CLK3: variants seen among roughly 807,000 people sequenced by gnomAD.
The protein encoded by CLK3 is dual specificity protein kinase CLK3.
CLK3 carries 24 observed loss-of-function variants against 65.2 expected under a neutral mutation model. That is an observed-to-expected ratio of 0.37 (90% CI 0.27 to 0.52). The LOEUF (loss-of-function observed/expected upper bound fraction) is 0.52. Among genes scored for constraint, CLK3 ranks in the 20% least tolerant of loss-of-function variants. The pLI is 0.92. For synonymous variants in CLK3, 252 were observed against 240.8 expected (o/e 1.05, Z -0.43); for missense variants, 506 against 660.0 (o/e 0.77, Z 2.56).
intron 1 of CLK3, among the ~76,000 whole-genome samples, chr15:74,609,871 GC>G (rs2061965897): frequency 6.6e-6 from 1 of 152,188 alleles, no homozygotes; most frequent in Admixed American, 6.5e-5. Context: ...CAGGGTCCTG[GC>G]CCCAACTCAA....
intron 7 of CLK3, among the ~76,000 whole-genome samples, chr15:74,626,331 T>C (rs1248206433): frequency 6.6e-6 from 1 of 152,206 alleles, no homozygotes; most frequent in African/African-American, 2.4e-5. Context: ...CCTGCCCACA[T>C]GGAGACCCTC....
At chr15:74,617,441 T>C (rs909087820) in intron 1 of CLK3, among the ~76,000 whole-genome samples, 6 of 152,252 alleles carry the variant, frequency 3.9e-5, no homozygotes, top group Non-Finnish European at 8.8e-5. Context: ...GAGAGAGATA[T>C]TTAATCCTCA....
chr15:74,615,061 G>C (rs2062040323), upstream of CLK3: 1 of 210,338 alleles, frequency 4.8e-6, no homozygotes. Flanking sequence ...TAGGTGTCAG[G>C]GATTTTGGTG....
intron 6 of CLK3, 42 bp downstream of exon 6, chr15:74,625,060 C>A: frequency 1.4e-6 from 2 of 1,441,692 alleles, no homozygotes; most frequent in Non-Finnish European, 2.0e-6. Context: ...TTCAGTGGGG[C>A]TGCTGGACCC....
At position 74,624,542 on chromosome 15, in the gene CLK3, G is replaced by C. The variant is rs2062129085; in HGVS notation, c.534-360G>C. The C allele has an allele frequency of 4.7e-6, 1 of 211,688 alleles. No individual in the cohort carries two copies. Among genetic ancestry groups the C allele is most frequent in the African/African-American group, 2.4e-5 (1 of 42,548 alleles). The allele number at this position is 211,688 out of a possible 1,614,324, so 13.1% of individuals were successfully genotyped here. ...GGTTCTCGGTGGGACAGCCTGGCCA[G>C]GGTTGGGGCTGCCTGGCCTATAGGT... On this transcript the variant is annotated intron_variant, in intron 5 of 12. Transcript: ENST00000395066. This position sits in a 1 kb window ranked among gnomAD's most constrained non-coding sequence, Gnocchi z 4.2.
In CLK3 at chr15:74,624,910, C is replaced by A; in HGVS notation, c.542C>A (p.Ser181Tyr). Residue 181 changes from serine to tyrosine, a missense_variant, in exon 6 of 13, where the codon TCT becomes TAT. Coordinates refer to ENST00000395066, the MANE Select transcript of CLK3 (RefSeq NM_001130028.2). The surrounding 1 kb of genome is among the most constrained non-coding windows in gnomAD (Gnocchi z 4.2). ...TCCTTCCCGGGTACCAGAGGGAAGT[C>A]TCAGGTTGCCCTGAAGATCATCCGC... ...VECLDHARGK[S>Y]QVALKIIRNV... is the part of the protein sequence containing the mutation. 6.2e-7 allele frequency: 1 copy of A among 1,604,530 alleles called. No homozygotes were observed. Among genetic ancestry groups the A allele is most frequent in the Non-Finnish European group, 8.5e-7 (1 of 1,175,434 alleles).
chr15:74,609,415 C>T (rs1330970434), intron 1 of CLK3, among the ~76,000 whole-genome samples: 1 of 152,238 alleles, frequency 6.6e-6, no homozygotes, highest in African/African-American at 2.4e-5. Flanking sequence ...CTGCTAGAAT[C>T]TCTCTCTCCT....
chr15:74,625,170 A>G, intron 6 of CLK3, 152 bp downstream of exon 6: 2 of 632,992 alleles, frequency 3.2e-6, no homozygotes, highest in Non-Finnish European at 5.7e-6. Flanking sequence ...AAGCCTTTAG[A>G]CTGCAGTCCA....
upstream of CLK3, chr15:74,615,305 G>A: frequency 2.9e-6 from 2 of 685,158 alleles, no homozygotes; most frequent in Non-Finnish European, 4.1e-6. Flanking sequence ...GGCGAGCTGG[G>A]AGCGCCACCA....
chr15:74,622,377 G>A lies in CLK3; in HGVS notation c.467-117G>A. ...ACACTAGCAACTTCCATTTTTAAGA[G>A]TGTAGCAGTGAGAGAGAAACCTTTT... On this transcript the variant is annotated intron_variant, in intron 4 of 12. Coordinates refer to ENST00000395066, the MANE Select transcript of CLK3 (RefSeq NM_001130028.2). The surrounding 1 kb of genome is among the most constrained non-coding windows in gnomAD (Gnocchi z 4.6). The A allele has an allele frequency of 9.5e-7, 1 of 1,051,840 alleles. No individual in the cohort carries two copies. Among genetic ancestry groups the A allele is most frequent in the East Asian group, 2.4e-5 (1 of 41,892 alleles). The allele number at this position is 1,051,840 out of a possible 1,614,324, so 65.2% of individuals were successfully genotyped here.
chr15:74,619,671 T>G (rs6495118), intron 2 of CLK3, among the ~76,000 whole-genome samples: 39,988 of 151,984 alleles, frequency 0.26, 7,205 homozygotes, highest in East Asian at 0.55. Context: ...CCCTGGAAAG[T>G]TTGCTCCCTG....
intron 12 of CLK3, 77 bp from the exon 13 acceptor site, chr15:74,629,630 G>T: frequency 7.6e-7 from 1 of 1,317,710 alleles, no homozygotes; most frequent in Non-Finnish European, 1.1e-6. Context: ...CCAGCAAGGC[G>T]TCCCAGAGGC....
chr15:74,614,573 G>A (rs1013813122), upstream of CLK3, among the ~76,000 whole-genome samples: 2 of 152,210 alleles, frequency 1.3e-5, no homozygotes, highest in African/African-American at 4.8e-5. Flanking sequence ...GAGATTTAGG[G>A]GATACTAAAC....
upstream of CLK3, among the ~76,000 whole-genome samples, chr15:74,613,706 T>C (rs1467702088): frequency 6.6e-6 from 1 of 151,950 alleles, no homozygotes; most frequent in Admixed American, 6.6e-5. Context: ...TCTGAGAACA[T>C]CCATCCCGGG....
intron 3 of CLK3, chr15:74,620,671 G>A (rs973977240): frequency 1.7e-5 from 3 of 175,744 alleles, no homozygotes; most frequent in Admixed American, 5.8e-5. Flanking sequence ...CCACCTCTGC[G>A]TCTCATCTGC....
In CLK3 at chr15:74,628,770, T is replaced by G. The variant is rs1338329761; in HGVS notation, c.1205+87T>G. ...TCAGCAGGGTACTGGATGTGGTGAG[T>G]CTTTGCTGGACAGTCCATGGTTCCG... is the stretch of plus-strand genomic sequence containing the variant. On this transcript the variant is annotated intron_variant, in intron 11 of 12. Transcript: ENST00000395066. The G allele has an allele frequency of 5.0e-6, 6 of 1,206,904 alleles. No homozygotes were observed. In the African/African-American group the frequency reaches 9.1e-5, roughly 18 times the overall value. 74.8% of individuals were successfully genotyped at this position (1,206,904 alleles called of 1,614,324 possible).
chr15:74,612,327 C>T (rs530717096), upstream of CLK3, among the ~76,000 whole-genome samples: 1 of 152,282 alleles, frequency 6.6e-6, no homozygotes, highest in South Asian at 2.1e-4. Context: ...TCCATAGCTT[C>T]AGCTGTAATA....
Position 74,630,125 on chromosome 15 carries a change from G to C in CLK3, c.*242G>C. ...TGTTTCTTACTGTTTGTAACCCCTG[G>C]TACCAGTGTGTCCATCTCCAGGCTC... On this transcript the variant is annotated 3_prime_UTR_variant, in exon 13 of 13. Coordinates refer to ENST00000395066, the MANE Select transcript of CLK3 (RefSeq NM_001130028.2). The C allele has an allele frequency of 2.2e-6, 1 of 461,806 alleles. No homozygotes were observed. Among genetic ancestry groups the C allele is most frequent in the South Asian group, 4.0e-5 (1 of 25,154 alleles). 28.6% of individuals were successfully genotyped at this position (461,806 alleles called of 1,614,324 possible). A position where few individuals can be genotyped will look rare whatever the true frequency, so the allele number is the denominator to read the frequency against.
rs758360975 is a variant in CLK3 at position 74,625,007 on chromosome 15, A to G, written c.639A>G (p.Lys213=). The change falls in exon 6 of 13, where the codon AAA becomes AAG. Residue 213 remains lysine, a synonymous_variant. Transcript: ENST00000395066. ...TCAAAAAAATCAAGGAGAAGGACAA[A>G]GAAAACAAGTTGTGAGTATCTGCAA... ...NVLKKIKEKD[K]ENKFLCVLMS... 1.9e-6 allele frequency: 3 copies of G among 1,613,354 alleles called. No homozygotes were observed. In the South Asian group the frequency reaches 3.3e-5, roughly 18 times the overall value.
Sources: gnomAD v4.1 joint callset for allele counts (sites outside exome capture counted in the v4.1 genomes callset) on GRCh38, gnomAD v4.1.1 for gene constraint, Gnocchi (gnomAD v3.1) non-coding constraint, MANE v1.5 for transcripts, NCBI Gene and HGNC (gene_info 2026-07-23, HGNC 2026-07-21) for gene names.